MARCHF2: variants seen among roughly 807,000 people sequenced by gnomAD.
The protein encoded by MARCHF2 is membrane associated ring-CH-type finger 2, also known as E3 ubiquitin-protein ligase MARCHF2.
In MARCHF2, 22 loss-of-function variants were observed where a neutral mutation model predicts 24.0. That is an observed-to-expected ratio of 0.92 (90% CI 0.66 to 1.31). MARCHF2 has a LOEUF of 1.31. Ranked by LOEUF, MARCHF2 falls within the 50% of genes most tolerant of loss-of-function variation. The pLI is 0.00. For missense variants in MARCHF2, 301 were observed against 335.3 expected (o/e 0.90, Z 0.80); for synonymous variants, 154 against 153.0 (o/e 1.01, Z -0.05).
rs1489818065 is a variant in MARCHF2, at chr19:8,426,611, A to G, written c.179A>G (p.Asp60Gly). The G allele has an allele frequency of 1.9e-6, 3 of 1,613,558 alleles. No individual in the cohort carries two copies. The highest frequency in any genetic ancestry group is 2.5e-6 in the Non-Finnish European group (3 of 1,179,838). The change falls in exon 3 of 5, where the codon GAT becomes GGT. Residue 60 changes from aspartate to glycine, a missense_variant and splice_region_variant. By Grantham distance (94) the Asp-to-Gly change is moderately conservative. Transcript: ENST00000215555. ...ATGGGTCCTATCTCTGTGTCCAGTG[A>G]TGGTCCTTTCTGCCGGATCTGCCAT... ...TVIRALDTPS[D>G]GPFCRICHEG...
Position 8,438,897 on chromosome 19 carries a change from T to G in MARCHF2, c.*351T>G, listed in dbSNP as rs899486006. On this transcript the variant is annotated 3_prime_UTR_variant, in exon 5 of 5. Coordinates refer to ENST00000215555, the MANE Select transcript of MARCHF2 (RefSeq NM_001005415.2). ...TAAAGCTGGAACATTCCAGCAAGCTTCTTGCGCTTCTCTGCACCCGGCAGG... is the reference window on the plus strand; with the variant it reads ...TAAAGCTGGAACATTCCAGCAAGCTGCTTGCGCTTCTCTGCACCCGGCAGG... The G allele has an allele frequency of 1.1e-4, 21 of 191,568 alleles. No homozygotes were observed. The highest frequency in any genetic ancestry group is 2.2e-5 in the Non-Finnish European group (2 of 92,934). The allele number at this position is 191,568 out of a possible 1,614,324, so 11.9% of individuals were successfully genotyped here.
At chr19:8,416,635 T>C (rs1192702064) in intron 1 of MARCHF2, among the ~76,000 whole-genome samples, 1 of 152,092 alleles carries the variant, frequency 6.6e-6, no homozygotes, top group Non-Finnish European at 1.5e-5. Context: ...AGTTGTGTGA[T>C]CATGGCTCAC....
At chr19:8,424,006 AAG>A (rs1201809392) in intron 2 of MARCHF2, among the ~76,000 whole-genome samples, 1 of 151,296 alleles carries the variant, frequency 6.6e-6, no homozygotes, top group African/African-American at 2.4e-5. Flanking sequence ...AAAAAAAAGA[AAG>A]AAAAAAAAAT....
intron 1 of MARCHF2, among the ~76,000 whole-genome samples, chr19:8,419,623 T>C (rs1293760219): frequency 2.5e-4 from 37 of 150,300 alleles, no homozygotes; most frequent in Non-Finnish European, 4.6e-4. Flanking sequence ...GAGACCATCC[T>C]AGCTAACACG....
Position 8,426,740 on chromosome 19 carries a change from C to A in MARCHF2, c.308C>A (p.Thr103Asn). The change falls in exon 3 of 5, where the codon ACC (threonine) becomes AAC (asparagine). Residue 103 changes from threonine to asparagine, a missense_variant. Thr to Asn is a moderately conservative substitution (Grantham distance 65). Transcript: ENST00000215555. The stretch of plus-strand genomic sequence containing the variant: ...GAGAAGTGGCTTTCCTCATCTAACA[C>A]CAGCTACTGCGAGCTGTGCCACACG... ...CLEKWLSSSN[T>N]SYCELCHTEF... 6.2e-7 allele frequency: 1 copy of A among 1,612,842 alleles called. No individual in the cohort carries two copies. Among genetic ancestry groups the A allele is most frequent in the Non-Finnish European group, 8.5e-7 (1 of 1,180,018 alleles).
At chr19:8,426,523 AG>A in intron 2 of MARCHF2, 85 bp from the exon 3 acceptor site, 3 of 1,084,288 alleles carry the variant, frequency 2.8e-6, no homozygotes, top group Non-Finnish European at 4.1e-6. Flanking sequence ...GCATGGGGTA[AG>A]GGTGAGCTTG....
At chr19:8,414,879 CT>C (rs1307277245) in intron 1 of MARCHF2, among the ~76,000 whole-genome samples, 1 of 152,178 alleles carries the variant, frequency 6.6e-6, no homozygotes, top group Non-Finnish European at 1.5e-5. Context: ...AGCAAAGTGA[CT>C]TGAACCAGGA....
intron 2 of MARCHF2, chr19:8,423,639 T>A (rs1967314103): frequency 6.6e-6 from 1 of 152,098 alleles, no homozygotes; most frequent in African/African-American, 2.4e-5. Flanking sequence ...ATGAGCAGCC[T>A]GTTGGGCTCT....
At chr19:8,415,080 T>C (rs1360475812) in intron 1 of MARCHF2, among the ~76,000 whole-genome samples, 3 of 152,174 alleles carry the variant, frequency 2.0e-5, no homozygotes, top group Non-Finnish European at 2.9e-5. Flanking sequence ...GGTGTAATTA[T>C]TGGTTTGTTG....
In MARCHF2 at chr19:8,422,036, A is replaced by G; in HGVS notation, c.176+20A>G. ...ACCGAGGTGAGTGGTGACTGCGTGG[A>G]TATCCTGGCCTTTGTTGCCTCTTCT... On this transcript the variant is annotated intron_variant, in intron 2 of 4. Transcript: ENST00000215555. The G allele has an allele frequency of 6.3e-7, 1 of 1,592,102 alleles. No homozygotes were observed. The highest frequency in any genetic ancestry group is 8.6e-7 in the Non-Finnish European group (1 of 1,167,338).
Position 8,430,601 on chromosome 19 carries a change from C to A in MARCHF2, c.373-57C>A. On this transcript the variant is annotated intron_variant, in intron 3 of 4. Transcript: ENST00000215555. This position sits in a 1 kb window ranked among gnomAD's most constrained non-coding sequence, Gnocchi z 4.4. ...TAGGCCTGGAGGTCCTTACCCCTCC[C>A]CCTCAGTAGCCCCTTCTCTGCCCCC... 6.9e-7 allele frequency: 1 copy of A among 1,446,312 alleles called. No homozygotes were observed. The highest frequency in any genetic ancestry group is 9.6e-7 in the Non-Finnish European group (1 of 1,042,456). The allele number at this position is 1,446,312 out of a possible 1,614,324, so 89.6% of individuals were successfully genotyped here.
rs758353047 is a variant in MARCHF2 at position 8,421,900 on chromosome 19, T to C, written c.60T>C (p.Pro20=). Residue 20 remains proline (P), a synonymous_variant, in exon 2 of 5, where the codon CCT becomes CCC. Coordinates refer to ENST00000215555, the MANE Select transcript of MARCHF2 (RefSeq NM_001005415.2). ...PGSLCDCSGS[P]AFSKVVEATG... ...CCCTGTGTGACTGCTCCGGCAGCCC[T>C]GCCTTCTCCAAGGTCGTGGAGGCTA... The C allele has an allele frequency of 6.2e-7, 1 of 1,613,724 alleles. No individual in the cohort carries two copies. The highest frequency in any genetic ancestry group is 1.3e-5 in the African/African-American group (1 of 74,924).
Position 8,430,563 on chromosome 19 carries a change from A to C in MARCHF2, c.373-95A>C. The C allele has an allele frequency of 1.1e-6, 1 of 910,842 alleles. No homozygotes were observed. The highest frequency in any genetic ancestry group is 1.7e-6 in the Non-Finnish European group (1 of 589,522). 56.4% of individuals were successfully genotyped at this position (910,842 alleles called of 1,614,324 possible). A position where few individuals can be genotyped will look rare whatever the true frequency, so the allele number is the denominator to read the frequency against. On this transcript the variant is annotated intron_variant, in intron 3 of 4. Transcript: ENST00000215555. This position sits in a 1 kb window ranked among gnomAD's most constrained non-coding sequence, Gnocchi z 4.4. ...AAAAAAAAAAAGAAAGAAGGAAAGG[A>C]CAGAGGGAGGCCTAGGCCTGGAGGT...
rs368150127 is a variant in MARCHF2, at chr19:8,438,559, C to G, written c.*13C>G. The stretch of plus-strand genomic sequence containing the variant: ...GACACCAGTATGAATGCTGGGCTCT[C>G]CGGACCCTGCAGCAGAGAGGCCAGA... On this transcript the variant is annotated 3_prime_UTR_variant, in exon 5 of 5. Transcript: ENST00000215555. 2.2e-4 allele frequency: 360 copies of G among 1,613,098 alleles called. 1 individual carries two copies. The highest frequency in any genetic ancestry group is 2.9e-4 in the Non-Finnish European group (338 of 1,179,604).
rs1967803579 is a variant in MARCHF2, at chr19:8,438,829, C to A, written c.*283C>A. On this transcript the variant is annotated 3_prime_UTR_variant, in exon 5 of 5. Transcript: ENST00000215555. The stretch of plus-strand genomic sequence containing the variant: ...ATCTCATTCTGAGGTCCACATGGCA[C>A]CTTCTGGGCCAGCAGCTGTGGCCGG... 1 of 303,856 alleles carries A rather than the reference C, an allele frequency of 3.3e-6. No homozygotes were observed. Among genetic ancestry groups the A allele is most frequent in the Non-Finnish European group, 6.2e-6 (1 of 162,586 alleles). 18.8% of individuals were successfully genotyped at this position (303,856 alleles called of 1,614,324 possible).
At chr19:8,425,274 C>T (rs1266225416) in intron 2 of MARCHF2, among the ~76,000 whole-genome samples, 1 of 151,434 alleles carries the variant, frequency 6.6e-6, no homozygotes, top group Non-Finnish European at 1.5e-5. Flanking sequence ...CTCAGCTACT[C>T]GGGAGGCTGA....
At chr19:8,414,043 G>A (rs571799984) in intron 1 of MARCHF2, among the ~76,000 whole-genome samples, 1 of 152,246 alleles carries the variant, frequency 6.6e-6, no homozygotes, top group Non-Finnish European at 1.5e-5. Flanking sequence ...AGCTGGGATT[G>A]GAACCTTGCT....
At chr19:8,429,479 CTTATTATTA>C (rs144546795) in intron 3 of MARCHF2, among the ~76,000 whole-genome samples, 8,502 of 142,244 alleles carry the variant, frequency 0.06, 728 homozygotes, top group African/African-American at 0.19. Flanking sequence ...AATGAAAGAA[CTTATTATTA>C]TTATTATTAT....
chr19:8,424,648 C>A (rs1967348368), intron 2 of MARCHF2, among the ~76,000 whole-genome samples: 1 of 151,430 alleles, frequency 6.6e-6, no homozygotes, highest in Admixed American at 6.6e-5. Context: ...GCCTGGGTGA[C>A]AGAGCAACAC....
Sources: gnomAD v4.1 joint callset for allele counts (sites outside exome capture counted in the v4.1 genomes callset) on GRCh38, gnomAD v4.1.1 for gene constraint, Gnocchi (gnomAD v3.1) non-coding constraint, MANE v1.5 for transcripts, NCBI Gene and HGNC (gene_info 2026-07-23, HGNC 2026-07-21) for gene names.